Variants in BCHE observed in about 807,000 individuals in gnomAD.
The protein encoded by BCHE is butyrylcholinesterase.
A neutral mutation model predicts 51.3 loss-of-function variants in BCHE; 48 were observed. That is an observed-to-expected ratio of 0.94 (90% confidence interval 0.74 to 1.19). BCHE has a LOEUF of 1.19. Among genes scored for constraint, BCHE ranks in the 50% most tolerant of loss-of-function variants. BCHE has a pLI of 0.00. For missense variants in BCHE, 847 were observed against 708.2 expected (o/e 1.20, Z -2.23); for synonymous variants, 251 against 238.0 (o/e 1.05, Z -0.50).
intron 2 of BCHE, among the ~76,000 whole-genome samples, chr3:165,824,128 T>C (rs1484813325): frequency 6.6e-6 from 1 of 151,766 alleles, no homozygotes; most frequent in Non-Finnish European, 1.5e-5. Flanking sequence ...TAAACAAAAT[T>C]GTATACTTAT....
At chr3:165,774,068 T>A (rs1370914000) in intron 3 of BCHE, among the ~76,000 whole-genome samples, 1 of 152,106 alleles carries the variant, frequency 6.6e-6, no homozygotes, top group Non-Finnish European at 1.5e-5. Flanking sequence ...CATCCCTAGA[T>A]AATTCATACC....
At chr3:165,787,941 G>C (rs1233976684) in intron 2 of BCHE, among the ~76,000 whole-genome samples, 1 of 151,946 alleles carries the variant, frequency 6.6e-6, no homozygotes, top group African/African-American at 2.4e-5. Flanking sequence ...AGATTAAAGT[G>C]ACAAAGATAA....
intron 2 of BCHE, among the ~76,000 whole-genome samples, chr3:165,793,951 G>A (rs947826539): frequency 6.6e-6 from 1 of 152,020 alleles, no homozygotes; most frequent in African/African-American, 2.4e-5. Flanking sequence ...GAAGGCTGAG[G>A]CAGGAGAATT....
At chr3:165,792,477 A>G (rs1713207437) in intron 2 of BCHE, among the ~76,000 whole-genome samples, 1 of 152,168 alleles carries the variant, frequency 6.6e-6, no homozygotes. Context: ...ATAAAACTCA[A>G]ATACTAGAAA....
At position 165,835,028 on chromosome 3, in the gene BCHE, G is replaced by C. The variant is rs76897923; in HGVS notation, c.-9+2286C>G. On this transcript the variant is annotated intron_variant, in intron 1 of 3. Transcript: ENST00000264381. The stretch of plus-strand genomic sequence containing the variant: ...TTTAATATTGGAAATAAAGACAGGA[G>C]TTTTTGTTTGGAATTCAGACCATTC... 5.2e-3 allele frequency among the ~76,000 whole-genome samples: 789 copies of C among 151,894 alleles called. 22 individuals are homozygous for C. The East Asian group carries it at 0.081, about 16-fold the overall frequency.
rs866486303 is a variant in BCHE, at chr3:165,818,742, A to G, written c.1517+10775T>C. ...AACAATACCATCCTATTACCAATCT[A>G]GTTGTTGCTTACAGACTTATCTATA... is the stretch of plus-strand genomic sequence containing the variant. On this transcript the variant is annotated intron_variant, in intron 2 of 3. Coordinates refer to ENST00000264381, the MANE Select transcript of BCHE (RefSeq NM_000055.4). Among the ~76,000 whole-genome samples the G allele has an allele frequency of 2.8e-4, 43 of 152,252 alleles. No homozygotes were observed. In the Middle Eastern group the frequency reaches 0.014, roughly 49 times the overall value.
chr3:165,803,116 AG>A (rs553666387), intron 2 of BCHE, among the ~76,000 whole-genome samples: 287 of 152,350 alleles, frequency 1.9e-3, no homozygotes, highest in African/African-American at 6.7e-3. Context: ...GGGAAGATTT[AG>A]GAGGTTGGGA....
chr3:165,817,720 T>G (rs949339232), intron 2 of BCHE, among the ~76,000 whole-genome samples: 1 of 152,106 alleles, frequency 6.6e-6, no homozygotes, highest in African/African-American at 2.4e-5. Context: ...TGCTCTATGC[T>G]TCTGTGTTTT....
At chr3:165,777,947 T>C (rs1712537274) in intron 3 of BCHE, among the ~76,000 whole-genome samples, 1 of 152,082 alleles carries the variant, frequency 6.6e-6, no homozygotes, top group East Asian at 1.9e-4. Context: ...AAAATATTAT[T>C]CATAAAATAT....
At position 165,787,053 on chromosome 3, in the gene BCHE, CTTTTGCTTGGAATTCT is replaced by C. The variant is rs1663992625; in HGVS notation, c.1518-758_1518-743del. Among the ~76,000 whole-genome samples the C allele has an allele frequency of 2.6e-5, 4 of 151,846 alleles. No homozygotes were observed. The South Asian group carries it at 8.3e-4, about 31-fold the overall frequency. On this transcript the variant is annotated intron_variant, in intron 2 of 3. Coordinates refer to ENST00000264381, the MANE Select transcript of BCHE (RefSeq NM_000055.4). ...TTTCTTCTCTTTGCTCTAGCTGTTA[CTTTTGCTTGGAATTCT>C]TTTATTTTCCAATTTTATGTGTCTA...
chr3:165,832,749 T>A (rs986426074), intron 1 of BCHE, among the ~76,000 whole-genome samples: 1 of 152,162 alleles, frequency 6.6e-6, no homozygotes, highest in Non-Finnish European at 1.5e-5. Flanking sequence ...ACACAACCAA[T>A]AAACGAATCC....
intron 2 of BCHE, among the ~76,000 whole-genome samples, chr3:165,800,789 T>A (rs1338921943): frequency 6.6e-6 from 1 of 152,152 alleles, no homozygotes; most frequent in Non-Finnish European, 1.5e-5. Flanking sequence ...TTGCCTGACA[T>A]GTGCCAGGAA....
intron 2 of BCHE, among the ~76,000 whole-genome samples, chr3:165,808,998 C>T (rs1560014384): frequency 6.6e-6 from 1 of 152,004 alleles, no homozygotes; most frequent in Non-Finnish European, 1.5e-5. Flanking sequence ...AATGTACTTA[C>T]AGTTTTTATC....
chr3:165,802,489 GA>G (rs1713692591), intron 2 of BCHE, among the ~76,000 whole-genome samples: 1 of 152,092 alleles, frequency 6.6e-6, no homozygotes, highest in African/African-American at 2.4e-5. Context: ...TAGTAAACCA[GA>G]AAACATACCT....
intron 2 of BCHE, among the ~76,000 whole-genome samples, chr3:165,792,318 A>G (rs978980193): frequency 2.6e-5 from 4 of 152,226 alleles, no homozygotes; most frequent in Non-Finnish European, 5.9e-5. Flanking sequence ...TAAGTAACGG[A>G]AAATTTTCTT....
Position 165,773,423 on chromosome 3 carries a change from T to C in BCHE, c.1768A>G (p.Asn590Asp), listed in dbSNP as rs774484015. ...NYMMDWKNQF[N>D]DYTSKKESCV... is the part of the protein sequence containing the mutation. ...CTTTCTTTCTTGCTAGTGTAATCGT[T>C]AAATTGATTTTTCCAGTCCATCATG... The change falls in exon 4 of 4, where the codon AAC becomes GAC. Residue 590 changes from asparagine (N) to aspartate (D), a missense_variant. Physicochemically the swap from Asn to Asp is conservative, Grantham distance 23. Transcript: ENST00000264381. 2 of 1,610,736 alleles carry C rather than the reference T, an allele frequency of 1.2e-6. No homozygotes were observed. Among genetic ancestry groups the C allele is most frequent in the South Asian group, 2.2e-5 (2 of 90,936 alleles).
At chr3:165,788,337 A>G (rs1479259398) in intron 2 of BCHE, among the ~76,000 whole-genome samples, 1 of 152,032 alleles carries the variant, frequency 6.6e-6, no homozygotes, top group African/African-American at 2.4e-5. Context: ...GTACTAGTTT[A>G]TTTTATGGAG....
chr3:165,837,294 G>A lies in BCHE; in HGVS notation c.-9+20C>T, dbSNP rs1298965606. Reference sequence around the variant, plus strand: ...GTAACTTGGATCTCTACACGAAGGTGTAAATTCAGAGCAACTTACCCGATT... The same window carrying A: ...GTAACTTGGATCTCTACACGAAGGTATAAATTCAGAGCAACTTACCCGATT... On this transcript the variant is annotated intron_variant, in intron 1 of 3. Transcript: ENST00000264381. The A allele has an allele frequency of 2.8e-5, 36 of 1,270,400 alleles. No homozygotes were observed. Among genetic ancestry groups the A allele is most frequent in the East Asian group, 1.1e-4 (2 of 17,952 alleles). The allele number at this position is 1,270,400 out of a possible 1,614,324, so 78.7% of individuals were successfully genotyped here.
intron 3 of BCHE, among the ~76,000 whole-genome samples, chr3:165,776,402 C>T (rs1017941930): frequency 6.6e-6 from 1 of 151,802 alleles, no homozygotes; most frequent in Non-Finnish European, 1.5e-5. Flanking sequence ...TTTCATGCCT[C>T]ATGGTGTCTG....
Sources: gnomAD v4.1 joint callset for allele counts (sites outside exome capture counted in the v4.1 genomes callset) on GRCh38, gnomAD v4.1.1 for gene constraint, MANE v1.5 for transcripts, NCBI Gene and HGNC (gene_info 2026-07-23, HGNC 2026-07-21) for gene names.